TANGO6: variants seen among roughly 807,000 people sequenced by gnomAD.
The protein encoded by TANGO6 is transport and Golgi organization protein 6 homolog.
TANGO6 carries 90 observed loss-of-function variants against 114.2 expected under a neutral mutation model. The ratio of observed to expected loss-of-function variants is 0.79; its 90% CI spans 0.66 to 0.94. The LOEUF (loss-of-function observed/expected upper bound fraction) is 0.94, where lower values mean the gene tolerates loss of function less well. TANGO6 is among the 40% of genes least tolerant of loss of function. TANGO6 has a pLI of 0.00. For synonymous variants in TANGO6, 477 were observed against 509.8 expected (o/e 0.94, Z 0.87); for missense variants, 1,274 against 1,315.3 (o/e 0.97, Z 0.49).
At chr16:68,922,831 C>T (rs34162903) in intron 12 of TANGO6, among the ~76,000 whole-genome samples, 1 of 150,380 alleles carries the variant, frequency 6.6e-6, no homozygotes, top group East Asian at 2.0e-4. Context: ...ATCTTGAAAT[C>T]TAGATTCTAC....
At chr16:68,936,523 C>A (rs1963300603) in intron 14 of TANGO6, among the ~76,000 whole-genome samples, 1 of 152,032 alleles carries the variant, frequency 6.6e-6, no homozygotes. Flanking sequence ...TTAGTAGACA[C>A]AGGGTTTCAC....
At position 68,902,407 on chromosome 16, in the gene TANGO6, G is replaced by T. The variant is rs747153652; in HGVS notation, c.1570G>T (p.Ala524Ser). The change falls in exon 9 of 18, where the codon GCA becomes TCA. Residue 524 changes from alanine to serine, a missense_variant. Ala to Ser is a moderately conservative substitution (Grantham distance 99, BLOSUM62 1). Around this residue, in one of 5 missense-constraint regions of TANGO6, gnomAD observed 908 missense variants for 910.2 expected, o/e 1.00. Coordinates refer to ENST00000261778, the MANE Select transcript of TANGO6 (RefSeq NM_024562.2). Reference protein sequence around the residue: ...KKAIASLKGFAGLDKAVPSLH... With the variant: ...KKAIASLKGFSGLDKAVPSLH... ...GGCAATTGCCAGCCTGAAAGGATTT[G>T]CAGGGTTGGACAAAGCTGTGCCCTC... 4 of 1,613,926 alleles carry T rather than the reference G, an allele frequency of 2.5e-6. No individual in the cohort carries two copies. The highest frequency in any genetic ancestry group is 3.4e-6 in the Non-Finnish European group (4 of 1,179,838).
At chr16:68,845,934 C>T (rs1338768038) in intron 1 of TANGO6, among the ~76,000 whole-genome samples, 1 of 152,000 alleles carries the variant, frequency 6.6e-6, no homozygotes, top group Non-Finnish European at 1.5e-5. Flanking sequence ...CACACCGGAA[C>T]CCCCACCTCC....
intron 15 of TANGO6, among the ~76,000 whole-genome samples, chr16:69,021,613 C>T (rs1441797627): frequency 6.6e-6 from 1 of 152,100 alleles, no homozygotes; most frequent in Non-Finnish European, 1.5e-5. Flanking sequence ...CATACTAGGC[C>T]TCTCGTTAAA....
intron 11 of TANGO6, among the ~76,000 whole-genome samples, chr16:68,911,734 C>T (rs1336613889): frequency 2.0e-5 from 3 of 152,062 alleles, no homozygotes; most frequent in African/African-American, 7.2e-5. Context: ...TTTCTAAATA[C>T]CATTTTCTAC....
chr16:68,926,285 G>A (rs932584650), intron 12 of TANGO6, among the ~76,000 whole-genome samples: 11 of 151,892 alleles, frequency 7.2e-5, no homozygotes, highest in Admixed American at 1.3e-4. Context: ...CCTGAGGTCC[G>A]GAGTTCAAGA....
intron 8 of TANGO6, 88 bp downstream of exon 8, chr16:68,900,634 C>A: frequency 9.3e-7 from 1 of 1,078,446 alleles, no homozygotes; most frequent in Non-Finnish European, 1.4e-6. Context: ...TTTATATTTG[C>A]CACTTTGAAA....
intron 7 of TANGO6, among the ~76,000 whole-genome samples, chr16:68,894,424 G>C (rs1458328539): frequency 6.6e-6 from 1 of 152,130 alleles, no homozygotes; most frequent in Non-Finnish European, 1.5e-5. Flanking sequence ...TATACCCCTG[G>C]AGATCTACTG....
intron 17 of TANGO6, among the ~76,000 whole-genome samples, chr16:69,082,757 C>G (rs1469618888): frequency 1.3e-5 from 2 of 150,840 alleles, no homozygotes; most frequent in Non-Finnish European, 3.0e-5. Context: ...AAAAAAAAAG[C>G]CTCCTGGGTT....
chr16:68,974,067 T>G lies in TANGO6; in HGVS notation c.2741T>G (p.Leu914Trp), dbSNP rs370629093. The part of the protein sequence containing the change: ...LLSDVYPEKI[L>W]PDLLAQYDSS... ...TCAGACGTCTATCCTGAGAAAATCT[T>G]GCCGGACTTGTTGGCTCAATATGAC... The change falls in exon 15 of 18, where the codon TTG (leucine) becomes TGG (tryptophan). Residue 914 changes from leucine (L) to tryptophan (W), a missense_variant. Physicochemically the swap from Leu to Trp is moderately conservative, Grantham distance 61 (BLOSUM62 -2). This residue lies in a region of TANGO6 where 238 missense variants were observed against 252.9 expected (regional missense o/e 0.94). Transcript: ENST00000261778. The G allele has an allele frequency of 6.2e-7, 1 of 1,612,864 alleles. No homozygotes were observed. Among genetic ancestry groups the G allele is most frequent in the African/African-American group, 1.3e-5 (1 of 74,926 alleles).
chr16:69,012,556 CA>C (rs1175561720), intron 15 of TANGO6, among the ~76,000 whole-genome samples: 7,078 of 36,486 alleles, frequency 0.19, 26 homozygotes, highest in African/African-American at 0.26. Flanking sequence ...AACTCTGTCT[CA>C]AAAAAAAAAA....
chr16:68,944,137 C>A (rs1358203545), intron 14 of TANGO6, among the ~76,000 whole-genome samples: 1 of 152,132 alleles, frequency 6.6e-6, no homozygotes, highest in Non-Finnish European at 1.5e-5. Flanking sequence ...TTAAGAACAA[C>A]AGACTGCATG....
Position 68,860,028 on chromosome 16 carries a change from A to C in TANGO6, c.239A>C (p.Lys80Thr). The C allele has an allele frequency of 6.2e-7, 1 of 1,614,006 alleles. No homozygotes were observed. Reference protein sequence around the residue: ...LKLLRDEIADKAEWPQNSVDV... With the variant: ...LKLLRDEIADTAEWPQNSVDV... ...CTCCTAAGAGATGAAATTGCTGATA[A>C]GGCAGAATGGCCACAAAACTCTGTG... Residue 80 changes from lysine (K) to threonine (T), a missense_variant, in exon 2 of 18, where the codon AAG becomes ACG. Physicochemically the swap from Lys to Thr is moderately conservative, Grantham distance 78. This residue lies in a region of TANGO6 where 114 missense variants were observed against 104.6 expected (regional missense o/e 1.09). Coordinates refer to ENST00000261778, the MANE Select transcript of TANGO6 (RefSeq NM_024562.2).
intron 15 of TANGO6, among the ~76,000 whole-genome samples, chr16:68,994,509 A>T (rs1194384223): frequency 6.6e-6 from 1 of 152,054 alleles, no homozygotes; most frequent in African/African-American, 2.4e-5. Context: ...TATAAGAAGC[A>T]GGTAGCAGAT....
chr16:69,061,144 A>G (rs888221368), intron 17 of TANGO6, among the ~76,000 whole-genome samples: 1 of 152,194 alleles, frequency 6.6e-6, no homozygotes, highest in Non-Finnish European at 1.5e-5. Flanking sequence ...GGAAACACCT[A>G]CAGGGTTTTT....
chr16:68,987,765 A>T (rs1282477165), intron 15 of TANGO6, among the ~76,000 whole-genome samples: 1 of 152,232 alleles, frequency 6.6e-6, no homozygotes, highest in Non-Finnish European at 1.5e-5. Context: ...AAGTAAAGAA[A>T]AATATCTTTT....
chr16:68,904,593 A>G (rs532025772), intron 9 of TANGO6, among the ~76,000 whole-genome samples: 4 of 152,218 alleles, frequency 2.6e-5, no homozygotes, highest in Non-Finnish European at 5.9e-5. Context: ...ATGAAGAAAC[A>G]TCTATCTTTT....
chr16:68,912,355 C>T (rs1438579756), intron 11 of TANGO6, among the ~76,000 whole-genome samples: 4 of 151,682 alleles, frequency 2.6e-5, no homozygotes, highest in Non-Finnish European at 2.9e-5. Flanking sequence ...AAAACTAGAC[C>T]GGGTGCAGTG....
At chr16:68,877,936 C>T (rs1962393170) in intron 5 of TANGO6, among the ~76,000 whole-genome samples, 182 bp from the exon 6 acceptor site, 1 of 152,178 alleles carries the variant, frequency 6.6e-6, no homozygotes. Context: ...AAAATAAAAA[C>T]ACTGCCTGTT....
Sources: gnomAD v4.1 joint callset for allele counts (sites outside exome capture counted in the v4.1 genomes callset) on GRCh38, gnomAD v4.1.1 for gene constraint, gnomAD v4.1.1 regional missense constraint, MANE v1.5 for transcripts, NCBI Gene and HGNC (gene_info 2026-07-23, HGNC 2026-07-21) for gene names.